Variants in XRCC4 observed in about 807,000 individuals in gnomAD.
XRCC4 encodes X-ray repair cross complementing 4.
XRCC4 carries 28 observed loss-of-function variants against 39.1 expected under a neutral mutation model. The ratio of observed to expected loss-of-function variants is 0.72; its 90% CI spans 0.53 to 0.98. The LOEUF (loss-of-function observed/expected upper bound fraction) is 0.98. Among genes scored for constraint, XRCC4 ranks in the 50% least tolerant of loss-of-function variants. XRCC4 has a pLI of 0.00. For synonymous variants in XRCC4, 123 were observed against 126.4 expected (o/e 0.97, Z 0.18); for missense variants, 350 against 376.4 (o/e 0.93, Z 0.58).
chr5:83,306,439 C>T (rs1755490415), intron 7 of XRCC4, among the ~76,000 whole-genome samples: 1 of 152,114 alleles, frequency 6.6e-6, no homozygotes, highest in Non-Finnish European at 1.5e-5. Flanking sequence ...TTTCTAGCCA[C>T]ATTTTAAAAT....
intron 1 of XRCC4, among the ~76,000 whole-genome samples, chr5:83,093,014 GAC>G (rs34020910): frequency 0.36 from 53,035 of 149,196 alleles, 9,392 homozygotes; most frequent in Middle Eastern, 0.51. Flanking sequence ...TAAATGAATG[GAC>G]ACACACACAC....
chr5:83,230,030 G>C (rs1198287868), intron 6 of XRCC4, among the ~76,000 whole-genome samples: 4 of 151,882 alleles, frequency 2.6e-5, no homozygotes, highest in Non-Finnish European at 5.9e-5. Context: ...CCATTGCTCT[G>C]TGCATTTATC....
In XRCC4 at chr5:83,343,473, G is replaced by T. The variant is rs1267471208; in HGVS notation, c.894-9658G>T. ...TTCCAGGCTATTCTTCTCAACTCCA[G>T]ATAATTTATAGTGGGTGAGACTCAT... On this transcript the variant is annotated intron_variant, in intron 7 of 7. Transcript: ENST00000396027. Among the ~76,000 whole-genome samples, 4 of 152,092 alleles carry T rather than the reference G, an allele frequency of 2.6e-5. No individual in the cohort carries two copies. In the East Asian group the frequency reaches 5.8e-4, roughly 22 times the overall value.
At chr5:83,269,847 T>A (rs1435019328) in intron 7 of XRCC4, among the ~76,000 whole-genome samples, 1 of 152,198 alleles carries the variant, frequency 6.6e-6, no homozygotes, top group Non-Finnish European at 1.5e-5. Flanking sequence ...TGGAAGACAA[T>A]TTTTCCATGG....
At chr5:83,372,206 G>T in the XRCC4 span, among the ~76,000 whole-genome samples, 1 of 152,062 alleles carries the variant, frequency 6.6e-6, no homozygotes, top group African/African-American at 2.4e-5. Flanking sequence ...AAATACAGTT[G>T]AACACCTAGT....
chr5:83,364,371 T>C, the XRCC4 span, among the ~76,000 whole-genome samples: 1 of 151,986 alleles, frequency 6.6e-6, no homozygotes, highest in Admixed American at 6.6e-5. Context: ...AATGGAAAAA[T>C]GAATGAGGAG....
At chr5:83,291,108 A>G (rs1434509764) in intron 7 of XRCC4, among the ~76,000 whole-genome samples, 2 of 151,820 alleles carry the variant, frequency 1.3e-5, no homozygotes. Context: ...TTTTTCTGAA[A>G]TGTATGACAG....
At chr5:83,256,896 C>T (rs1187356292) in intron 6 of XRCC4, among the ~76,000 whole-genome samples, 1 of 151,864 alleles carries the variant, frequency 6.6e-6, no homozygotes, top group African/African-American at 2.4e-5. Flanking sequence ...CCTTGTTTTC[C>T]TTATAAATAA....
chr5:83,200,141 T>A (rs893337607), intron 4 of XRCC4, among the ~76,000 whole-genome samples: 1 of 152,166 alleles, frequency 6.6e-6, no homozygotes, highest in Non-Finnish European at 1.5e-5. Flanking sequence ...TAGGAGAGGA[T>A]TGGCATTAAA....
At chr5:83,219,161 A>G (rs961934717) in intron 6 of XRCC4, among the ~76,000 whole-genome samples, 12 of 152,224 alleles carry the variant, frequency 7.9e-5, no homozygotes, top group African/African-American at 2.9e-4. Context: ...TACCCTTTTT[A>G]TAAGGGTACC....
intron 3 of XRCC4, among the ~76,000 whole-genome samples, chr5:83,183,717 C>T (rs1580340853): frequency 6.6e-6 from 1 of 152,174 alleles, no homozygotes; most frequent in East Asian, 1.9e-4. Context: ...TTTGCCATTA[C>T]CTGAACTGGA....
chr5:83,262,590 G>A (rs1008400339), intron 7 of XRCC4, among the ~76,000 whole-genome samples: 3 of 151,918 alleles, frequency 2.0e-5, no homozygotes, highest in Admixed American at 1.3e-4. Flanking sequence ...AAGGAATACA[G>A]ATATAAAATA....
At chr5:83,101,673 A>G (rs541374385) in intron 1 of XRCC4, among the ~76,000 whole-genome samples, 38 of 152,202 alleles carry the variant, frequency 2.5e-4, no homozygotes, top group African/African-American at 8.4e-4. Context: ...GGGTGTTTCT[A>G]ATGGCAGACT....
At position 83,111,217 on chromosome 5, in the gene XRCC4, T is replaced by C. The variant is rs770785734; in HGVS notation, c.315+14T>C. The C allele has an allele frequency of 6.4e-6, 10 of 1,562,496 alleles. No homozygotes were observed. In the South Asian group the frequency reaches 7.3e-5, roughly 11 times the overall value. On this transcript the variant is annotated intron_variant, in intron 3 of 7. Transcript: ENST00000396027. ...AAAGATGTCTCAGTAAGTAAAACTTTCCAAAATGTTACATAGTAAAATGTC... is the reference window on the plus strand; with the variant it reads ...AAAGATGTCTCAGTAAGTAAAACTTCCCAAAATGTTACATAGTAAAATGTC...
At chr5:83,116,885 G>T (rs1746750818) in intron 3 of XRCC4, among the ~76,000 whole-genome samples, 2 of 152,048 alleles carry the variant, frequency 1.3e-5, no homozygotes, top group African/African-American at 4.8e-5. Flanking sequence ...GCCTCCCAAA[G>T]TGCTGGGATT....
chr5:83,131,029 T>C (rs924020771), intron 3 of XRCC4, among the ~76,000 whole-genome samples: 1 of 152,162 alleles, frequency 6.6e-6, no homozygotes, highest in Admixed American at 6.6e-5. Flanking sequence ...ATATGTTTGC[T>C]CTTGCTTCTC....
At chr5:83,160,539 G>C (rs1339081558) in intron 3 of XRCC4, among the ~76,000 whole-genome samples, 1 of 152,160 alleles carries the variant, frequency 6.6e-6, no homozygotes, top group Admixed American at 6.5e-5. Flanking sequence ...GATTATATAT[G>C]TGTTTCTGCA....
chr5:83,358,430 A>G (rs1757214034), downstream of XRCC4, among the ~76,000 whole-genome samples: 1 of 151,544 alleles, frequency 6.6e-6, no homozygotes, highest in South Asian at 2.1e-4. Flanking sequence ...TTCAATATGA[A>G]TTTTATGTTA....
Position 83,353,265 on chromosome 5 carries a change from G to A in XRCC4, c.*23G>A, listed in dbSNP as rs1321440751. The stretch of plus-strand genomic sequence containing the variant: ...TAACAGTCTCAAAAAATACTTTGAT[G>A]TTCACTAGACTATGTTTTCTATTCA... On this transcript the variant is annotated 3_prime_UTR_variant, in exon 8 of 8. Coordinates refer to ENST00000396027, the MANE Select transcript of XRCC4 (RefSeq NM_003401.5). The A allele has an allele frequency of 2.6e-6, 4 of 1,523,486 alleles. No individual in the cohort carries two copies. Among genetic ancestry groups the A allele is most frequent in the Admixed American group, 1.9e-5 (1 of 52,286 alleles). 94.4% of individuals were successfully genotyped at this position (1,523,486 alleles called of 1,614,324 possible). A position where few individuals can be genotyped will look rare whatever the true frequency, so the allele number is the denominator to read the frequency against.
Sources: gnomAD v4.1 joint callset for allele counts (sites outside exome capture counted in the v4.1 genomes callset) on GRCh38, gnomAD v4.1.1 for gene constraint, MANE v1.5 for transcripts, NCBI Gene and HGNC (gene_info 2026-07-23, HGNC 2026-07-21) for gene names.